Variants in WWOX observed in about 807,000 individuals in gnomAD.
WWOX encodes the protein WW domain-containing oxidoreductase.
In WWOX, 69 loss-of-function variants were observed where a neutral mutation model predicts 46.2. The observed-to-expected ratio is 1.49, with a 90% CI of 1.23 to 1.82. WWOX has a LOEUF of 1.82. Ranked by LOEUF, WWOX falls within the 40% of genes most tolerant of loss-of-function variation. WWOX has a pLI of 0.00. For missense variants in WWOX, 919 were observed against 542.6 expected, an observed-to-expected ratio of 1.69 and a Z score of -6.89; for synonymous variants, 359 against 202.6, an observed-to-expected ratio of 1.77 and a Z score of -6.56.
intron 8 of WWOX, among the ~76,000 whole-genome samples, chr16:78,846,725 G>T (rs901609681): frequency 4.6e-5 from 7 of 152,184 alleles, no homozygotes; most frequent in African/African-American, 1.7e-4. Context: ...ATATATTGGG[G>T]GAGGTACTTT....
chr16:79,045,734 C>CT (rs2048051982), intron 8 of WWOX, among the ~76,000 whole-genome samples: 1 of 142,794 alleles, frequency 7.0e-6, no homozygotes, highest in African/African-American at 2.6e-5. Flanking sequence ...CAACTGTGGG[C>CT]AAGTGATGTA....
rs9972758 is a variant in WWOX, at chr16:79,058,992, C to G, written c.1057-152616C>G. On this transcript the variant is annotated intron_variant, in intron 8 of 8. Coordinates refer to ENST00000566780, the MANE Select transcript of WWOX (RefSeq NM_016373.4). ...ATCTGATTTAAAAGGAAAACAATGA[C>G]TATTATACAGATTTATGGCTTCTTG... is the stretch of plus-strand genomic sequence containing the variant. Among the ~76,000 whole-genome samples the G allele has an allele frequency of 2.6e-5, 4 of 151,850 alleles. No homozygotes were observed. The South Asian group carries it at 8.3e-4, about 31-fold the overall frequency.
intron 4 of WWOX, among the ~76,000 whole-genome samples, chr16:78,128,292 G>A (rs533583419): frequency 6.6e-6 from 1 of 152,218 alleles, no homozygotes; most frequent in East Asian, 1.9e-4. Flanking sequence ...TGCATGTCAT[G>A]CAATTGACTG....
At chr16:79,194,631 G>C (rs1368534142) in intron 8 of WWOX, among the ~76,000 whole-genome samples, 1 of 152,066 alleles carries the variant, frequency 6.6e-6, no homozygotes, top group Non-Finnish European at 1.5e-5. Context: ...CAGTTCCCAG[G>C]CTCCCCTTGT....
intron 8 of WWOX, among the ~76,000 whole-genome samples, chr16:79,154,992 C>G (rs551355608): frequency 6.6e-6 from 1 of 152,156 alleles, no homozygotes; most frequent in Non-Finnish European, 1.5e-5. Context: ...TGATGTCATG[C>G]TTATTTCAAA....
intron 6 of WWOX, among the ~76,000 whole-genome samples, chr16:78,410,240 G>A (rs113019996): frequency 4.6e-5 from 7 of 152,276 alleles, no homozygotes; most frequent in Admixed American, 1.3e-4. Context: ...CAGAATCGGA[G>A]CCAATTAAAT....
chr16:78,588,131 G>A (rs1179135799), intron 8 of WWOX, among the ~76,000 whole-genome samples: 2 of 132,404 alleles, frequency 1.5e-5, no homozygotes, highest in Non-Finnish European at 3.1e-5. Flanking sequence ...GGTGCAGAGA[G>A]GGGGTTAGTA....
intron 8 of WWOX, among the ~76,000 whole-genome samples, chr16:78,661,046 C>G (rs73565274): frequency 8.5e-5 from 13 of 152,106 alleles, no homozygotes; most frequent in Admixed American, 3.9e-4. Flanking sequence ...AATGTTCCTG[C>G]ATGTATATTT....
chr16:78,859,072 A>ATG (rs2052655091), intron 8 of WWOX, among the ~76,000 whole-genome samples: 2 of 128,416 alleles, frequency 1.6e-5, no homozygotes, highest in Middle Eastern at 3.6e-3. Context: ...ATATATATAT[A>ATG]TGAAAAAAAG....
At chr16:79,150,279 G>A (rs1392448053) in intron 8 of WWOX, among the ~76,000 whole-genome samples, 2 of 152,168 alleles carry the variant, frequency 1.3e-5, no homozygotes, top group African/African-American at 2.4e-5. Flanking sequence ...AATTTTTCCA[G>A]TTGAGGATAA....
At chr16:79,189,187 G>A (rs890854940) in intron 8 of WWOX, among the ~76,000 whole-genome samples, 1 of 152,094 alleles carries the variant, frequency 6.6e-6, no homozygotes, top group Non-Finnish European at 1.5e-5. Context: ...TTCCATAATG[G>A]CATTTAATTT....
chr16:78,556,383 C>T (rs1233607421), intron 8 of WWOX, among the ~76,000 whole-genome samples: 1 of 152,108 alleles, frequency 6.6e-6, no homozygotes, highest in Non-Finnish European at 1.5e-5. Context: ...TTATCACCAA[C>T]TGGGACTTGA....
chr16:78,239,530 C>G (rs913210213), intron 5 of WWOX, among the ~76,000 whole-genome samples: 2 of 152,054 alleles, frequency 1.3e-5, no homozygotes, highest in South Asian at 4.1e-4. Context: ...TGATTTGGTT[C>G]TTCTAGCTTT....
chr16:78,536,941 G>A (rs1327453885), intron 8 of WWOX, among the ~76,000 whole-genome samples: 1 of 144,232 alleles, frequency 6.9e-6, no homozygotes, highest in East Asian at 2.1e-4. Context: ...TTGAGAGAGA[G>A]AGTCTCACTC....
chr16:78,707,473 C>T (rs1264834094), intron 8 of WWOX, among the ~76,000 whole-genome samples: 1 of 152,196 alleles, frequency 6.6e-6, no homozygotes, highest in African/African-American at 2.4e-5. Context: ...TAGCTTCCTT[C>T]TCAGCTCATT....
intron 8 of WWOX, among the ~76,000 whole-genome samples, chr16:78,877,724 T>C (rs1485023357): frequency 1.3e-5 from 2 of 152,222 alleles, no homozygotes; most frequent in Non-Finnish European, 2.9e-5. Flanking sequence ...CTCACTATTG[T>C]ACTTCAGGGC....
intron 8 of WWOX, among the ~76,000 whole-genome samples, chr16:79,034,501 TG>T (rs1199917835): frequency 6.6e-6 from 1 of 152,260 alleles, no homozygotes; most frequent in Non-Finnish European, 1.5e-5. Flanking sequence ...GACATGCTAC[TG>T]TCTTTAGTAT....
intron 8 of WWOX, among the ~76,000 whole-genome samples, chr16:78,804,106 A>G (rs573835646): frequency 6.6e-6 from 1 of 152,252 alleles, no homozygotes; most frequent in Non-Finnish European, 1.5e-5. Context: ...GCCGCAGTGG[A>G]GATTGTGGCA....
intron 5 of WWOX, among the ~76,000 whole-genome samples, chr16:78,172,095 G>T (rs1777855430): frequency 6.6e-6 from 1 of 152,208 alleles, no homozygotes; most frequent in South Asian, 2.1e-4. Flanking sequence ...TGCAGCTGGT[G>T]TGTGGGTGAT....
Sources: allele counts gnomAD v4.1 joint callset (sites outside exome capture counted in the v4.1 genomes callset), GRCh38; gene constraint gnomAD v4.1.1; transcripts MANE v1.5; gene names NCBI Gene and HGNC (gene_info 2026-07-23, HGNC 2026-07-21).